The following RIT2 variants were observed in gnomAD, a reference collection of about 807,000 sequenced individuals.
RIT2 encodes the protein Ras like without CAAX 2.
RIT2 carries 24 observed loss-of-function variants against 23.7 expected under a neutral mutation model. The observed-to-expected ratio is 1.01, with a 90% CI of 0.73 to 1.43. The LOEUF (loss-of-function observed/expected upper bound fraction) is 1.43. RIT2 is among the 40% of genes most tolerant of loss of function. The pLI is 0.00. For missense variants in RIT2, 236 were observed against 266.9 expected, an observed-to-expected ratio of 0.88 and a Z score of 0.81; for synonymous variants, 107 against 91.1, an observed-to-expected ratio of 1.17 and a Z score of -0.99.
At chr18:42,940,953 T>C (rs1909587266) in intron 3 of RIT2, among the ~76,000 whole-genome samples, 2 of 152,166 alleles carry the variant, frequency 1.3e-5, no homozygotes, top group Non-Finnish European at 2.9e-5. Flanking sequence ...TCTGATAGTA[T>C]AAACAAAGGT....
At chr18:43,111,198 C>G (rs894985106) in intron 1 of RIT2, among the ~76,000 whole-genome samples, 1 of 152,086 alleles carries the variant, frequency 6.6e-6, no homozygotes, top group Non-Finnish European at 1.5e-5. Context: ...AAGCCAGACA[C>G]AGAAAGACAA....
intron 4 of RIT2, among the ~76,000 whole-genome samples, chr18:42,849,302 C>A (rs1272195929): frequency 6.6e-6 from 1 of 152,188 alleles, no homozygotes; most frequent in East Asian, 1.9e-4. Flanking sequence ...TAAATCTCGT[C>A]ATACATGTTG....
At chr18:42,894,867 A>G (rs1908280581) in intron 4 of RIT2, among the ~76,000 whole-genome samples, 1 of 152,220 alleles carries the variant, frequency 6.6e-6, no homozygotes, top group Non-Finnish European at 1.5e-5. Flanking sequence ...TAATTGCTCT[A>G]TGCATAGAGA....
intron 1 of RIT2, among the ~76,000 whole-genome samples, chr18:43,038,958 T>C (rs1912058602): frequency 6.6e-6 from 1 of 152,104 alleles, no homozygotes; most frequent in South Asian, 2.1e-4. Flanking sequence ...ATAGAAGTAA[T>C]TGTCATATAT....
chr18:43,061,000 C>T (rs1215725064), intron 1 of RIT2, among the ~76,000 whole-genome samples: 1 of 152,038 alleles, frequency 6.6e-6, no homozygotes, highest in Admixed American at 6.6e-5. Context: ...TTCATGCACT[C>T]ATTTAATGTA....
intron 3 of RIT2, chr18:42,949,155 A>G (rs749100408): frequency 5.1e-6 from 2 of 395,540 alleles, no homozygotes; most frequent in Non-Finnish European, 8.9e-6. Flanking sequence ...AAAGATCTGA[A>G]CTATACCACA....
chr18:43,059,981 T>C (rs957485223), intron 1 of RIT2, among the ~76,000 whole-genome samples: 1 of 152,094 alleles, frequency 6.6e-6, no homozygotes, highest in Non-Finnish European at 1.5e-5. Context: ...CTTAGAGAAG[T>C]TCCAGGAAGT....
chr18:42,988,238 G>T (rs1468084468), intron 2 of RIT2, among the ~76,000 whole-genome samples: 2 of 152,048 alleles, frequency 1.3e-5, no homozygotes, highest in Non-Finnish European at 2.9e-5. Flanking sequence ...TTTAAAAAGA[G>T]AATTTTGTAA....
intron 2 of RIT2, among the ~76,000 whole-genome samples, chr18:42,979,565 A>G (rs1370263908): frequency 6.6e-6 from 1 of 152,178 alleles, no homozygotes; most frequent in Non-Finnish European, 1.5e-5. Context: ...GATTACTTGA[A>G]TAAATCATCT....
At chr18:42,827,531 A>G (rs948267239) in intron 4 of RIT2, among the ~76,000 whole-genome samples, 3 of 152,108 alleles carry the variant, frequency 2.0e-5, no homozygotes, top group South Asian at 2.1e-4. Flanking sequence ...AGGTAAAAAA[A>G]CTAGGGAAGA....
chr18:42,964,159 C>G (rs1910158025), intron 3 of RIT2, among the ~76,000 whole-genome samples: 1 of 151,720 alleles, frequency 6.6e-6, no homozygotes, highest in Non-Finnish European at 1.5e-5. Flanking sequence ...CCATTGCACT[C>G]CAGCCTGGGC....
At chr18:42,777,542 GGAAAAAAGT>G (rs1184965338) in intron 4 of RIT2, among the ~76,000 whole-genome samples, 1 of 152,010 alleles carries the variant, frequency 6.6e-6, no homozygotes, top group East Asian at 1.9e-4. Context: ...CAGTTTCAAA[GGAAAAAAGT>G]GATCAACTGT....
chr18:43,033,847 T>G lies in RIT2; in HGVS notation c.124A>C (p.Ser42Arg), dbSNP rs1313744392. ...TCATGATAATCAGGGAACTGATGAC[T>G]AATAAACTGCATTGTCATTGCTGAA... ...GKSAMTMQFI[S>R]HQFPDYHDPT... Residue 42 changes from serine to arginine, a missense_variant, in exon 2 of 5, where the codon AGT becomes CGT. Transcript: ENST00000326695. 2 of 1,607,908 alleles carry G rather than the reference T, an allele frequency of 1.2e-6. No homozygotes were observed.
At chr18:42,955,119 T>C (rs1358311191) in intron 3 of RIT2, among the ~76,000 whole-genome samples, 1 of 152,120 alleles carries the variant, frequency 6.6e-6, no homozygotes, top group East Asian at 1.9e-4. Context: ...AGTAATTAAA[T>C]TATCAGAAAA....
intron 1 of RIT2, among the ~76,000 whole-genome samples, chr18:43,066,977 AGT>A (rs1002435004): frequency 2.0e-5 from 3 of 151,646 alleles, no homozygotes; most frequent in African/African-American, 7.3e-5. Flanking sequence ...TTTAAGCAAC[AGT>A]GAGTTCTAGG....
At chr18:42,794,969 CAGT>C (rs1354170010) in intron 4 of RIT2, among the ~76,000 whole-genome samples, 1 of 152,204 alleles carries the variant, frequency 6.6e-6, no homozygotes, top group Non-Finnish European at 1.5e-5. Flanking sequence ...ATGTCAAAGA[CAGT>C]AGAAAAATTG....
chr18:43,076,643 G>A (rs116033590), intron 1 of RIT2, among the ~76,000 whole-genome samples: 78 of 152,212 alleles, frequency 5.1e-4, no homozygotes, highest in African/African-American at 1.9e-3. Flanking sequence ...AATAAAGAAG[G>A]TAACATTTGA....
intron 3 of RIT2, among the ~76,000 whole-genome samples, chr18:42,939,482 C>A (rs1407330145): frequency 6.6e-6 from 1 of 152,078 alleles, no homozygotes; most frequent in Non-Finnish European, 1.5e-5. Flanking sequence ...CTTTTAATCA[C>A]CTTTTGTTAG....
intron 4 of RIT2, among the ~76,000 whole-genome samples, chr18:42,813,147 A>G (rs1905898609): frequency 6.6e-6 from 1 of 152,230 alleles, no homozygotes; most frequent in African/African-American, 2.4e-5. Flanking sequence ...GGCAGATAGT[A>G]GCGTAGTAAG....
Sources: allele counts gnomAD v4.1 joint callset (sites outside exome capture counted in the v4.1 genomes callset), GRCh38; gene constraint gnomAD v4.1.1; transcripts MANE v1.5; gene names NCBI Gene and HGNC (gene_info 2026-07-23, HGNC 2026-07-21).